TMIGD2: variants seen among roughly 807,000 people sequenced by gnomAD.
TMIGD2 encodes the protein transmembrane and immunoglobulin domain containing 2.
A neutral mutation model predicts 22.6 loss-of-function variants in TMIGD2; 18 were observed. The observed-to-expected ratio is 0.80, with a 90% CI of 0.55 to 1.18. The LOEUF is 1.18. TMIGD2 is among the 50% of genes most tolerant of loss of function. TMIGD2 has a pLI of 0.00. For synonymous variants in TMIGD2, 184 were observed against 154.1 expected (o/e 1.19, Z -1.44); for missense variants, 361 against 378.2 (o/e 0.95, Z 0.38).
chr19:4,294,809 G>C (rs751804277), exon 3 of TMIGD2: 1 of 1,585,594 alleles, frequency 6.3e-7, no homozygotes, highest in East Asian at 2.3e-5. Flanking sequence ...TGTTCTGTGT[G>C]GGGTCATCTG....
At chr19:4,293,020 G>A (rs1489129868) in intron 4 of TMIGD2, 135 bp from the exon 5 acceptor site, 3 of 1,345,748 alleles carry the variant, frequency 2.2e-6, no homozygotes, top group South Asian at 2.6e-5. Flanking sequence ...CTGGAGTGCA[G>A]TGGCGCAATC....
intron 4 of TMIGD2, among the ~76,000 whole-genome samples, chr19:4,293,568 T>A (rs1971416690): frequency 6.6e-6 from 1 of 151,266 alleles, no homozygotes; most frequent in Admixed American, 6.6e-5. Flanking sequence ...CCAATTTTTT[T>A]TTTTTTTTAA....
exon 4 of TMIGD2, chr19:4,294,654 C>T: frequency 6.3e-7 from 1 of 1,597,240 alleles, no homozygotes; most frequent in Non-Finnish European, 8.5e-7. Flanking sequence ...CCCATGCTTC[C>T]CACCCCCAGC....
At chr19:4,293,803 C>T (rs1252246959) in intron 4 of TMIGD2, among the ~76,000 whole-genome samples, 1 of 151,652 alleles carries the variant, frequency 6.6e-6, no homozygotes, top group Non-Finnish European at 1.5e-5. Flanking sequence ...GCTGTGTCGC[C>T]CAGGCTGGAG....
intron 1 of TMIGD2, among the ~76,000 whole-genome samples, chr19:4,299,417 G>A (rs1971505725): frequency 6.6e-6 from 1 of 151,550 alleles, no homozygotes; most frequent in Non-Finnish European, 1.5e-5. Context: ...AAAGTGCTGG[G>A]ATTGTAGATG....
intron 1 of TMIGD2, among the ~76,000 whole-genome samples, chr19:4,300,152 T>C (rs1394078281): frequency 6.7e-6 from 1 of 148,650 alleles, no homozygotes; most frequent in Non-Finnish European, 1.5e-5. Flanking sequence ...TCCCAGCTAC[T>C]TGGGAGGCTG....
chr19:4,301,468 A>T (rs1461945760), intron 1 of TMIGD2, among the ~76,000 whole-genome samples: 1 of 152,158 alleles, frequency 6.6e-6, no homozygotes, highest in Non-Finnish European at 1.5e-5. Flanking sequence ...GGAGTTCGAG[A>T]CCCACCTGGC....
chr19:4,294,987 G>A (rs1203414782), intron 2 of TMIGD2, among the ~76,000 whole-genome samples, 171 bp from the exon 3 acceptor site: 7 of 152,062 alleles, frequency 4.6e-5, no homozygotes, highest in Non-Finnish European at 7.4e-5. Flanking sequence ...TCAGCAGGAC[G>A]CGGTGGCTCA....
intron 2 of TMIGD2, 148 bp downstream of exon 2, chr19:4,297,838 C>T: frequency 8.6e-7 from 1 of 1,165,278 alleles, no homozygotes; most frequent in Non-Finnish European, 1.1e-6. Flanking sequence ...GCCTGGACGA[C>T]AGAGCAAGAC....
At chr19:4,293,163 C>CCA (rs1287122013) in intron 4 of TMIGD2, among the ~76,000 whole-genome samples, 16 of 151,760 alleles carry the variant, frequency 1.1e-4, no homozygotes, top group African/African-American at 2.9e-4. Flanking sequence ...CGGGGTTTCA[C>CCA]TGTTAGCCAG....
chr19:4,301,031 GGT>G (rs1971530030), intron 1 of TMIGD2, among the ~76,000 whole-genome samples: 1 of 152,144 alleles, frequency 6.6e-6, no homozygotes, highest in Non-Finnish European at 1.5e-5. Flanking sequence ...GGAGTGCAGT[GGT>G]GTGATCTCGG....
exon 4 of TMIGD2, chr19:4,294,617 C>G: frequency 6.2e-7 from 1 of 1,610,366 alleles, no homozygotes; most frequent in East Asian, 2.2e-5. Context: ...GCCCCAGAAC[C>G]AGGCACCCCA....
chr19:4,297,981 C>A lies in TMIGD2; in HGVS notation c.406+5G>T. On this transcript the variant is annotated splice_donor_5th_base_variant and intron_variant, in intron 2 of 4. Transcript: ENST00000301272. Reference sequence around the variant, plus strand: ...GCCCCTCCCTCTCCCCGCTGGCTCCCGTACCTGGGTCCACAAAGAGCCTTG... The same window carrying A: ...GCCCCTCCCTCTCCCCGCTGGCTCCAGTACCTGGGTCCACAAAGAGCCTTG... The A allele has an allele frequency of 6.4e-7, 1 of 1,566,474 alleles. No homozygotes were observed. Among genetic ancestry groups the A allele is most frequent in the South Asian group, 1.2e-5 (1 of 84,402 alleles).
chr19:4,294,893 T>C, intron 2 of TMIGD2, 77 bp from the exon 3 acceptor site: 5 of 1,343,674 alleles, frequency 3.7e-6, no homozygotes, highest in Non-Finnish European at 4.0e-6. Flanking sequence ...TGGGGGGACC[T>C]AAGTGTTCCT....
At chr19:4,296,917 A>AG (rs1179023181) in intron 2 of TMIGD2, among the ~76,000 whole-genome samples, 1 of 152,164 alleles carries the variant, frequency 6.6e-6, no homozygotes, top group East Asian at 1.9e-4. Flanking sequence ...GACATGGCAA[A>AG]GGGGACAGTG....
chr19:4,296,053 G>C, intron 2 of TMIGD2, among the ~76,000 whole-genome samples: 1 of 152,038 alleles, frequency 6.6e-6, no homozygotes, highest in Non-Finnish European at 1.5e-5. Context: ...CAAGTAGCTG[G>C]GACTATGGGT....
At chr19:4,299,914 T>C (rs1289367105) in intron 1 of TMIGD2, among the ~76,000 whole-genome samples, 1 of 151,842 alleles carries the variant, frequency 6.6e-6, no homozygotes, top group South Asian at 2.1e-4. Context: ...TCTCATTCTA[T>C]TGCCCAGTCT....
At chr19:4,292,560 A>G (rs1422247565) in exon 5 of TMIGD2, 2 of 1,583,618 alleles carry the variant, frequency 1.3e-6, no homozygotes, top group East Asian at 2.2e-5. Flanking sequence ...TTTTGTGTGT[A>G]CCTATGGGTG....
chr19:4,299,875 G>A lies in TMIGD2; in HGVS notation c.47-1530C>T, dbSNP rs116827441. Among the ~76,000 whole-genome samples the A allele has an allele frequency of 7.9e-3, 1,197 of 150,718 alleles. 13 individuals are homozygous for A. Among genetic ancestry groups the A allele is most frequent in the African/African-American group, 0.028 (1,162 of 41,028 alleles). ...CACTCTAGCTTGGGCAACAGAGCGA[G>A]ACTCCATAGCAAAGAAAAAAAGACT... On this transcript the variant is annotated intron_variant, in intron 1 of 4. Transcript: ENST00000301272.
Sources: allele counts gnomAD v4.1 joint callset (sites outside exome capture counted in the v4.1 genomes callset), GRCh38; gene constraint gnomAD v4.1.1; transcripts MANE v1.5; gene names NCBI Gene and HGNC (gene_info 2026-07-23, HGNC 2026-07-21).